CELSR1: variants seen among roughly 807,000 people sequenced by gnomAD.
The protein encoded by CELSR1 is adhesion G protein-coupled receptor C1.
Under a neutral mutation model 249.1 loss-of-function variants are expected in CELSR1, and 110 were observed. The observed-to-expected ratio is 0.44, with a 90% confidence interval of 0.38 to 0.52. CELSR1 has a LOEUF of 0.52. Ranked by LOEUF, CELSR1 falls within the 20% of genes least tolerant of loss-of-function variation. The pLI, the probability that CELSR1 is intolerant of heterozygous loss-of-function variation, is 0.00. For synonymous variants in CELSR1, 2,113 were observed against 1,900.0 expected, an observed-to-expected ratio of 1.11 and a Z score of -2.92; for missense variants, 4,109 against 4,296.4, an observed-to-expected ratio of 0.96 and a Z score of 1.22.
At position 46,389,460 on chromosome 22, in the gene CELSR1, C is replaced by T. The variant is rs751183402; in HGVS notation, c.6385G>A (p.Ala2129Thr). 27 of 1,613,252 alleles carry T rather than the reference C, an allele frequency of 1.7e-5. 2 individuals carry two copies. In the South Asian group the frequency reaches 1.8e-4, roughly 10 times the overall value. ...LSRNETQVDGARALQLVRALR... is the reference protein window; with the variant it reads ...LSRNETQVDGTRALQLVRALR... ...GCCCTCACCAGCTGCAGGGCCCTGGCGCCGTCCACCTGCGTCTCATTGCGG... is the reference window on the plus strand; with the variant it reads ...GCCCTCACCAGCTGCAGGGCCCTGGTGCCGTCCACCTGCGTCTCATTGCGG... Residue 2129 changes from alanine to threonine, a missense_variant, in exon 18 of 35, where the codon GCC (alanine) becomes ACC (threonine). Physicochemically the swap from Ala to Thr is moderately conservative, Grantham distance 58 (BLOSUM62 0). Transcript: ENST00000674500.
rs1430493908 is a variant in CELSR1, at chr22:46,417,465, T to C, written c.4612-5706A>G. ...CCTGTTCCGCCAGGTAGCCACCCTC[T>C]ACACAGGGGCTGCCGGCTGCTTTTG... On this transcript the variant is annotated intron_variant, in intron 5 of 34. Coordinates refer to ENST00000674500, the MANE Select transcript of CELSR1 (RefSeq NM_001378328.1). The surrounding 1 kb of genome is among the most constrained non-coding windows in gnomAD (Gnocchi z 4.1). 6.6e-6 allele frequency among the ~76,000 whole-genome samples: 1 copy of C among 152,196 alleles called. No homozygotes were observed. Among genetic ancestry groups the C allele is most frequent in the Non-Finnish European group, 1.5e-5 (1 of 68,030 alleles).
intron 5 of CELSR1, among the ~76,000 whole-genome samples, chr22:46,420,993 G>T (rs749313494): frequency 6.6e-6 from 1 of 152,166 alleles, no homozygotes; most frequent in Admixed American, 6.5e-5. Flanking sequence ...CGGATACACG[G>T]GTGGGTGAGA....
chr22:46,369,870 A>C (rs1355418188), intron 25 of CELSR1, 66 bp from the exon 26 acceptor site: 1 of 1,403,066 alleles, frequency 7.1e-7, no homozygotes, highest in Non-Finnish European at 1.0e-6. Context: ...CATGCCAAGG[A>C]CCAGCCAGGG....
At chr22:46,451,621 C>T (rs1396517003) in intron 2 of CELSR1, among the ~76,000 whole-genome samples, 4 of 152,104 alleles carry the variant, frequency 2.6e-5, no homozygotes, top group East Asian at 1.9e-4. Flanking sequence ...GAATCACCCT[C>T]GGGGACACAG....
rs1263780949 is a variant in CELSR1 at position 46,369,265 on chromosome 22, A to G, written c.7873-7T>C. 6.2e-7 allele frequency: 1 copy of G among 1,613,630 alleles called. No individual in the cohort carries two copies. Among genetic ancestry groups the G allele is most frequent in the Non-Finnish European group, 8.5e-7 (1 of 1,179,816 alleles). On this transcript the variant is annotated splice_region_variant and splice_polypyrimidine_tract_variant and intron_variant, in intron 26 of 34. Transcript: ENST00000674500. ...CAGAAGTGACTGTGTTGATCTGAAA[A>G]CAAAACAAGCCGATCAATGTCTTCT...
At chr22:46,520,335 C>A (rs1258812599) in intron 1 of CELSR1, among the ~76,000 whole-genome samples, 1 of 152,052 alleles carries the variant, frequency 6.6e-6, no homozygotes, top group Non-Finnish European at 1.5e-5. Flanking sequence ...GAAATCATAC[C>A]TGAAACCACA....
chr22:46,414,674 G>A (rs1416538659), intron 5 of CELSR1, among the ~76,000 whole-genome samples: 1 of 152,366 alleles, frequency 6.6e-6, no homozygotes, highest in Non-Finnish European at 1.5e-5. Context: ...TGTCACGGAG[G>A]CAGGGAGTGC....
chr22:46,415,827 G>A (rs1246840945), intron 5 of CELSR1, among the ~76,000 whole-genome samples: 4 of 152,196 alleles, frequency 2.6e-5, no homozygotes, highest in Admixed American at 6.5e-5. Flanking sequence ...GTCGAGAGGC[G>A]CATGGACAAT....
chr22:46,515,766 G>A (rs2080620436), intron 1 of CELSR1, among the ~76,000 whole-genome samples: 2 of 152,196 alleles, frequency 1.3e-5, no homozygotes, highest in Admixed American at 1.3e-4. Context: ...AGTGTAGGAA[G>A]GCAGCCCCGG....
At chr22:46,404,758 G>C (rs1397655502) in intron 9 of CELSR1, among the ~76,000 whole-genome samples, 2 of 152,004 alleles carry the variant, frequency 1.3e-5, no homozygotes, top group African/African-American at 2.4e-5. Flanking sequence ...CAAAGTGGTA[G>C]GATTACATCC....
At chr22:46,384,825 T>C in intron 19 of CELSR1, 139 bp from the exon 20 acceptor site, 1 of 932,450 alleles carries the variant, frequency 1.1e-6, no homozygotes, top group African/African-American at 1.7e-5. Context: ...AGTCTCGCAG[T>C]GTCTCCCAGG....
intron 27 of CELSR1, among the ~76,000 whole-genome samples, chr22:46,368,605 T>C (rs1161884148): frequency 1.4e-5 from 2 of 147,026 alleles, no homozygotes; most frequent in African/African-American, 5.5e-5. Flanking sequence ...GGGCTGGCCT[T>C]GTTGTCTGAC....
intron 1 of CELSR1, among the ~76,000 whole-genome samples, chr22:46,479,589 G>A (rs1266797553): frequency 7.9e-6 from 1 of 126,114 alleles, no homozygotes; most frequent in Non-Finnish European, 1.6e-5. Context: ...AGTGAGCTGA[G>A]ACTTTTTGTG....
rs2079585499 is a variant in CELSR1, at chr22:46,430,691, A to G, written c.4611+2702T>C. The stretch of plus-strand genomic sequence containing the variant: ...CATTGGAGACAAAGTGGAGGCCCAG[A>G]GAGCAGAGGAACCAGCCCCCAGAAG... On this transcript the variant is annotated intron_variant, in intron 5 of 34. Transcript: ENST00000674500. The surrounding 1 kb of genome is among the most constrained non-coding windows in gnomAD (Gnocchi z 4.6). Among the ~76,000 whole-genome samples, 1 of 152,184 alleles carries G rather than the reference A, an allele frequency of 6.6e-6. No homozygotes were observed. The highest frequency in any genetic ancestry group is 1.5e-5 in the Non-Finnish European group (1 of 68,030).
At position 46,537,141 on chromosome 22, in the gene CELSR1, G is replaced by C. The variant is rs1569228496; in HGVS notation, c.30C>G (p.Pro10=). Residue 10 remains proline (P), a synonymous_variant, in exon 1 of 35, where the codon CCC becomes CCG. Transcript: ENST00000674500. The surrounding 1 kb of genome is among the most constrained non-coding windows in gnomAD (Gnocchi z 5.8). MAPPPPPVL[P]VLLLLAAAAA... is the part of the protein sequence containing the mutation. ...CGGCGGCGGCCAGGAGCAGCAGCACGGGCAGCACGGGCGGCGGCGGCGGCG... is the reference window on the plus strand; with the variant it reads ...CGGCGGCGGCCAGGAGCAGCAGCACCGGCAGCACGGGCGGCGGCGGCGGCG... 6 of 1,029,848 alleles carry C rather than the reference G, an allele frequency of 5.8e-6. No homozygotes were observed. Among genetic ancestry groups the C allele is most frequent in the Non-Finnish European group, 7.0e-6 (6 of 861,204 alleles). 63.8% of individuals were successfully genotyped at this position (1,029,848 alleles called of 1,614,324 possible).
chr22:46,518,673 G>A lies in CELSR1; in HGVS notation c.3544+14954C>T, dbSNP rs530019510. Among the ~76,000 whole-genome samples the A allele has an allele frequency of 2.0e-4, 31 of 152,300 alleles. No individual in the cohort carries two copies. Among genetic ancestry groups the A allele is most frequent in the African/African-American group, 6.5e-4 (27 of 41,558 alleles). ...ACGCCTGTAATCCGAGTGTGGCTGC[G>A]GTCTCTGCCTCCATCTTCACGTTGT... is the stretch of plus-strand genomic sequence containing the variant. On this transcript the variant is annotated intron_variant, in intron 1 of 34. Coordinates refer to ENST00000674500, the MANE Select transcript of CELSR1 (RefSeq NM_001378328.1). This position sits in a 1 kb window ranked among gnomAD's most constrained non-coding sequence, Gnocchi z 5.2.
chr22:46,534,711 C>T lies in CELSR1; in HGVS notation c.2460G>A (p.Glu820=), dbSNP rs1204243419. 1.2e-6 allele frequency: 2 copies of T among 1,613,452 alleles called. No homozygotes were observed. ...TLSANDEDTG[E]NARITYVIQD... Reference sequence around the variant, plus strand: ...GAATCACGTAGGTGATGCGGGCATTCTCTCCTGTGTCCTCATCGTTGGCAC... The same window carrying T: ...GAATCACGTAGGTGATGCGGGCATTTTCTCCTGTGTCCTCATCGTTGGCAC... Residue 820 remains glutamate, a synonymous_variant, in exon 1 of 35, where the codon GAG becomes GAA. Transcript: ENST00000674500. The surrounding 1 kb of genome is among the most constrained non-coding windows in gnomAD (Gnocchi z 9.7).
In CELSR1 at chr22:46,536,615, C is replaced by T; in HGVS notation, c.556G>A (p.Ala186Thr). ...GGSVRLRLLCALRRAAGAVRV... is the reference protein window; with the variant it reads ...GGSVRLRLLCTLRRAAGAVRV... ...ACGGCGCCAGCCGCGCGCCGCAGGG[C>T]GCACAGCAGACGCAGGCGGACCGAG... is the stretch of plus-strand genomic sequence containing the variant. Residue 186 changes from alanine (A) to threonine (T), a missense_variant, in exon 1 of 35, where the codon GCC becomes ACC. Physicochemically the swap from Ala to Thr is moderately conservative, Grantham distance 58. Transcript: ENST00000674500. The T allele has an allele frequency of 8.5e-7, 1 of 1,176,948 alleles. No individual in the cohort carries two copies. Among genetic ancestry groups the T allele is most frequent in the East Asian group, 3.9e-5 (1 of 25,464 alleles). 72.9% of individuals were successfully genotyped at this position (1,176,948 alleles called of 1,614,324 possible). A position where few individuals can be genotyped will look rare whatever the true frequency, so the allele number is the denominator to read the frequency against.
chr22:46,476,201 A>T (rs2080206404), intron 1 of CELSR1, among the ~76,000 whole-genome samples: 1 of 152,222 alleles, frequency 6.6e-6, no homozygotes, highest in Non-Finnish European at 1.5e-5. Context: ...TCACCACAGC[A>T]TTATTCACAA....
Sources: allele counts gnomAD v4.1 joint callset (sites outside exome capture counted in the v4.1 genomes callset), GRCh38; gene constraint gnomAD v4.1.1; non-coding constraint Gnocchi (gnomAD v3.1); transcripts MANE v1.5; gene names NCBI Gene and HGNC (gene_info 2026-07-23, HGNC 2026-07-21).